The following WDR33 variants were observed in gnomAD, a reference collection of about 807,000 sequenced individuals.
The protein encoded by WDR33 is WD repeat domain 33.
In WDR33, 47 loss-of-function variants were observed where a neutral mutation model predicts 164.9. The observed-to-expected ratio is 0.29, with a 90% CI of 0.23 to 0.36. WDR33 has a LOEUF of 0.36. Among genes scored for constraint, WDR33 ranks in the 10% least tolerant of loss-of-function variants. The probability of loss-of-function intolerance (pLI) is 1.00; values close to 1 mark genes in which losing one functional copy is unlikely to be tolerated. For missense variants in WDR33, 1,137 were observed against 1,754.1 expected, an observed-to-expected ratio of 0.65 and a Z score of 6.28; for synonymous variants, 505 against 589.0, an observed-to-expected ratio of 0.86 and a Z score of 2.06.
chr2:127,722,981 A>G lies in WDR33; in HGVS notation c.1355T>C (p.Leu452Ser), dbSNP rs749514970. The stretch of plus-strand genomic sequence containing the variant: ...ACCCATCTGTTCTTGTTCCATAGCT[A>G]ATTTTAGTTGTTCTGGTATTCCCAT... ...PGMGIPEQLKLAMEQEQMGKD... is the reference protein window; with the variant it reads ...PGMGIPEQLKSAMEQEQMGKD... Residue 452 changes from leucine to serine, a missense_variant, in exon 13 of 22, where the codon TTA (leucine) becomes TCA (serine). By Grantham distance (145) the Leu-to-Ser change is moderately radical. This residue lies in a region of WDR33 where 75 missense variants were observed against 124.7 expected (regional missense o/e 0.60). Transcript: ENST00000322313. This position sits in a 1 kb window ranked among gnomAD's most constrained non-coding sequence, Gnocchi z 5.1. The G allele has an allele frequency of 6.2e-7, 1 of 1,611,298 alleles. No homozygotes were observed. Among genetic ancestry groups the G allele is most frequent in the Non-Finnish European group, 8.5e-7 (1 of 1,179,138 alleles).
intron 1 of WDR33, among the ~76,000 whole-genome samples, chr2:127,808,189 T>C (rs1362170614): frequency 6.9e-6 from 1 of 145,878 alleles, no homozygotes; most frequent in Non-Finnish European, 1.5e-5. Flanking sequence ...AGAAAAAAAA[T>C]GTTAACATTT....
chr2:127,720,427 T>A lies in WDR33; in HGVS notation c.1672-74A>T. 6.8e-7 allele frequency: 1 copy of A among 1,462,180 alleles called. No homozygotes were observed. The highest frequency in any genetic ancestry group is 2.5e-5 in the Admixed American group (1 of 40,004). 90.6% of individuals were successfully genotyped at this position (1,462,180 alleles called of 1,614,324 possible). On this transcript the variant is annotated intron_variant, in intron 15 of 21. Transcript: ENST00000322313. This position sits in a 1 kb window ranked among gnomAD's most constrained non-coding sequence, Gnocchi z 5.9. ...CTTGAAGATGACAATATTGCTATCATGTATTCTGTTAGGGGACTCTCAAAC... is the reference window on the plus strand; with the variant it reads ...CTTGAAGATGACAATATTGCTATCAAGTATTCTGTTAGGGGACTCTCAAAC...
At chr2:127,771,130 A>T in intron 1 of WDR33, 126 bp from the exon 2 acceptor site, 3 of 735,706 alleles carry the variant, frequency 4.1e-6, no homozygotes, top group Non-Finnish European at 6.6e-6. Context: ...CCACTTACAC[A>T]ATGAACTACA....
intron 7 of WDR33, among the ~76,000 whole-genome samples, chr2:127,740,743 G>A (rs561899195): frequency 5.9e-5 from 9 of 152,268 alleles, no homozygotes; most frequent in African/African-American, 1.9e-4. Context: ...TTATTTCAAC[G>A]CCACTAATGT....
intron 1 of WDR33, chr2:127,798,975 T>A (rs1391424795): frequency 6.6e-6 from 1 of 152,038 alleles, no homozygotes; most frequent in Non-Finnish European, 1.5e-5. Flanking sequence ...TGAGTTCTGA[T>A]AACCCACTAC....
At chr2:127,809,865 T>C (rs946103085) in intron 1 of WDR33, among the ~76,000 whole-genome samples, 7 of 152,122 alleles carry the variant, frequency 4.6e-5, no homozygotes, top group African/African-American at 1.7e-4. Context: ...ATCTATACAA[T>C]ATTTTATCTT....
chr2:127,777,758 G>A (rs1412673930), intron 1 of WDR33, among the ~76,000 whole-genome samples: 2 of 152,072 alleles, frequency 1.3e-5, no homozygotes, highest in African/African-American at 4.8e-5. Context: ...CTACACATGT[G>A]TGCCACCTGG....
Position 127,708,918 on chromosome 2 carries a change from C to A in WDR33, c.3566-26G>T, listed in dbSNP as rs1222152498. 6 of 1,526,120 alleles carry A rather than the reference C, an allele frequency of 3.9e-6. No homozygotes were observed. The highest frequency in any genetic ancestry group is 4.4e-6 in the Non-Finnish European group (5 of 1,131,998). 94.5% of individuals were successfully genotyped at this position (1,526,120 alleles called of 1,614,324 possible). A position where few individuals can be genotyped will look rare whatever the true frequency, so the allele number is the denominator to read the frequency against. ...CTGAAACAAGAAACAAATCTCCTTA[C>A]AGGAAAGCACAGTGTGACCAGAAGT... is the stretch of plus-strand genomic sequence containing the variant. On this transcript the variant is annotated intron_variant, in intron 20 of 21. Transcript: ENST00000322313. This position sits in a 1 kb window ranked among gnomAD's most constrained non-coding sequence, Gnocchi z 6.7.
intron 1 of WDR33, among the ~76,000 whole-genome samples, chr2:127,771,733 A>G (rs1473022970): frequency 7.0e-6 from 1 of 143,066 alleles, no homozygotes; most frequent in Non-Finnish European, 1.5e-5. Context: ...AGCCATGATC[A>G]TGCCACCGCA....
intron 1 of WDR33, among the ~76,000 whole-genome samples, chr2:127,792,163 T>G (rs544647016): frequency 4.6e-5 from 7 of 151,394 alleles, no homozygotes; most frequent in Non-Finnish European, 8.8e-5. Context: ...GGTCTCGAAC[T>G]CCGGACCTCA....
At chr2:127,761,705 C>T (rs1687682347) in intron 7 of WDR33, among the ~76,000 whole-genome samples, 1 of 152,156 alleles carries the variant, frequency 6.6e-6, no homozygotes, top group African/African-American at 2.4e-5. Context: ...TTGAACATGT[C>T]ACTTCCACCC....
At chr2:127,801,695 C>T (rs1689251592) in intron 1 of WDR33, among the ~76,000 whole-genome samples, 2 of 152,066 alleles carry the variant, frequency 1.3e-5, no homozygotes, top group African/African-American at 4.8e-5. Flanking sequence ...CCAGCCTAGC[C>T]AACATGGTGA....
In WDR33 at chr2:127,716,693, G is replaced by C. The variant is rs1271102173; in HGVS notation, c.2869+462C>G. Among the ~76,000 whole-genome samples, 1 of 152,216 alleles carries C rather than the reference G, an allele frequency of 6.6e-6. No homozygotes were observed. The highest frequency in any genetic ancestry group is 2.4e-5 in the African/African-American group (1 of 41,452). On this transcript the variant is annotated intron_variant, in intron 17 of 21. Coordinates refer to ENST00000322313, the MANE Select transcript of WDR33 (RefSeq NM_018383.5). The surrounding 1 kb of genome is among the most constrained non-coding windows in gnomAD (Gnocchi z 4.5). ...CAACCTGAGGAGCCACATATGGCTA[G>C]AGTGCTTTCTTCTTTTCAAATGGTG...
At chr2:127,753,976 T>C (rs1308669262) in intron 7 of WDR33, among the ~76,000 whole-genome samples, 2 of 152,246 alleles carry the variant, frequency 1.3e-5, no homozygotes, top group Non-Finnish European at 1.5e-5. Flanking sequence ...CCTAAAATTA[T>C]TCCATTTCTT....
At chr2:127,730,937 T>G (rs1339452616) in intron 7 of WDR33, among the ~76,000 whole-genome samples, 1 of 144,912 alleles carries the variant, frequency 6.9e-6, no homozygotes. Flanking sequence ...GTTTTTAATA[T>G]GAAGGAAAAA....
chr2:127,722,018 C>A lies in WDR33; in HGVS notation c.1519-30G>T. ...GGAAAGAAGAGAATATTAAAATGTA[C>A]GCTAAGTATGAAAATTACAATGATA... On this transcript the variant is annotated intron_variant, in intron 14 of 21. Coordinates refer to ENST00000322313, the MANE Select transcript of WDR33 (RefSeq NM_018383.5). This position sits in a 1 kb window ranked among gnomAD's most constrained non-coding sequence, Gnocchi z 5.1. 6.2e-7 allele frequency: 1 copy of A among 1,601,444 alleles called. No homozygotes were observed. The highest frequency in any genetic ancestry group is 1.1e-5 in the South Asian group (1 of 88,812).
intron 7 of WDR33, among the ~76,000 whole-genome samples, chr2:127,733,844 A>T (rs1686771153): frequency 6.6e-6 from 1 of 152,230 alleles, no homozygotes; most frequent in Non-Finnish European, 1.5e-5. Context: ...TTATCTTTCA[A>T]TGATACCAGA....
chr2:127,711,206 C>T (rs1172521591), intron 18 of WDR33, among the ~76,000 whole-genome samples: 6 of 152,246 alleles, frequency 3.9e-5, no homozygotes, highest in Non-Finnish European at 8.8e-5. Flanking sequence ...AGGCAGATCA[C>T]TTGAGGCCAG....
rs1464068408 is a variant in WDR33, at chr2:127,705,287, C to G, written c.*1036G>C. 1.2e-5 allele frequency: 2 copies of G among 166,212 alleles called. No individual in the cohort carries two copies. Among genetic ancestry groups the G allele is most frequent in the Non-Finnish European group, 2.9e-5 (2 of 68,118 alleles). The allele number at this position is 166,212 out of a possible 1,614,324, so 10.3% of individuals were successfully genotyped here. A position where few individuals can be genotyped will look rare whatever the true frequency, so the allele number is the denominator to read the frequency against. On this transcript the variant is annotated 3_prime_UTR_variant, in exon 22 of 22. Transcript: ENST00000322313. The surrounding 1 kb of genome is among the most constrained non-coding windows in gnomAD (Gnocchi z 4.5). ...CTGAATTTTTGGCTTCCAATCCAAA[C>G]TGGGCTAAATGGTATGTTTATTTTA...
Sources: allele counts gnomAD v4.1 joint callset (sites outside exome capture counted in the v4.1 genomes callset), GRCh38; gene constraint gnomAD v4.1.1; regional missense constraint gnomAD v4.1.1; non-coding constraint Gnocchi (gnomAD v3.1); transcripts MANE v1.5; gene names NCBI Gene and HGNC (gene_info 2026-07-23, HGNC 2026-07-21).